Variants in GSE1 observed in about 807,000 individuals in gnomAD.
GSE1 encodes Gse1 coiled-coil protein.
In GSE1, 32 loss-of-function variants were observed where a neutral mutation model predicts 112.6. The ratio of observed to expected loss-of-function variants is 0.28; its 90% CI spans 0.21 to 0.38. The LOEUF is 0.38. Ranked by LOEUF, GSE1 falls within the 10% of genes least tolerant of loss-of-function variation. The pLI is 1.00. For missense variants in GSE1, 2,348 were observed against 1,699.2 expected, an observed-to-expected ratio of 1.38 and a Z score of -6.71; for synonymous variants, 1,115 against 735.6, an observed-to-expected ratio of 1.52 and a Z score of -8.35.
intron 2 of GSE1, among the ~76,000 whole-genome samples, chr16:85,527,680 G>C (rs2052407331): frequency 6.6e-6 from 1 of 152,278 alleles, no homozygotes; most frequent in African/African-American, 2.4e-5. Context: ...AGGGGAATGT[G>C]GGGCCAGCAG....
chr16:85,424,897 T>C (rs1220818822), intron 2 of GSE1, among the ~76,000 whole-genome samples: 1 of 152,268 alleles, frequency 6.6e-6, no homozygotes, highest in Non-Finnish European at 1.5e-5. Flanking sequence ...GTCATACATA[T>C]GGAACATCAT....
At chr16:85,553,884 C>A (rs1598158024), upstream of GSE1, among the ~76,000 whole-genome samples, 1 of 152,208 alleles carries the variant, frequency 6.6e-6, no homozygotes, top group African/African-American at 2.4e-5. Flanking sequence ...TTAGCAGGGA[C>A]CCCGGGGCTG....
chr16:85,175,719 C>T (rs1158873370), intron 1 of GSE1, among the ~76,000 whole-genome samples: 3 of 152,176 alleles, frequency 2.0e-5, no homozygotes, highest in Non-Finnish European at 2.9e-5. Context: ...CATTTGGGGA[C>T]GTGATAATGC....
intron 2 of GSE1, among the ~76,000 whole-genome samples, chr16:85,445,083 C>T (rs2049475957): frequency 6.6e-6 from 1 of 152,232 alleles, no homozygotes; most frequent in African/African-American, 2.4e-5. Flanking sequence ...CCTTGATCTT[C>T]CCTGGCTTTA....
intron 2 of GSE1, among the ~76,000 whole-genome samples, chr16:85,452,432 G>A (rs1161587800): frequency 6.6e-6 from 1 of 152,238 alleles, no homozygotes; most frequent in Admixed American, 6.5e-5. Context: ...TCTAACAAAT[G>A]CAGATGGCCA....
intron 1 of GSE1, among the ~76,000 whole-genome samples, chr16:85,233,404 C>A (rs145566604): frequency 2.0e-5 from 3 of 152,138 alleles, no homozygotes; most frequent in African/African-American, 7.2e-5. Flanking sequence ...GGAGGCTGGG[C>A]GGGGTGGTTC....
chr16:85,289,516 T>C (rs2045142374), intron 1 of GSE1, among the ~76,000 whole-genome samples: 2 of 152,226 alleles, frequency 1.3e-5, no homozygotes. Context: ...TTTCCCATTC[T>C]GCAGGTCTGG....
intron 2 of GSE1, among the ~76,000 whole-genome samples, chr16:85,412,706 T>G (rs1445361394): frequency 2.8e-5 from 4 of 144,550 alleles, no homozygotes; most frequent in East Asian, 2.1e-4. Flanking sequence ...GGCACCTGGA[T>G]AATCCTCACT....
intron 2 of GSE1, among the ~76,000 whole-genome samples, chr16:85,541,809 C>T (rs1359315983): frequency 6.6e-6 from 1 of 152,198 alleles, no homozygotes; most frequent in Admixed American, 6.5e-5. Context: ...CACGTCCCTG[C>T]CTCGCTGCTT....
chr16:85,359,548 T>A, intron 2 of GSE1: 3 of 376,576 alleles, frequency 8.0e-6, no homozygotes, highest in South Asian at 5.8e-5. Context: ...TTGGTAGAGG[T>A]TTCGTGGCAA....
At chr16:85,530,659 T>C (rs1567564561) in intron 2 of GSE1, among the ~76,000 whole-genome samples, 1 of 152,168 alleles carries the variant, frequency 6.6e-6, no homozygotes. Flanking sequence ...TCATTAAAAT[T>C]TGAAACACAA....
intron 1 of GSE1, among the ~76,000 whole-genome samples, chr16:85,336,317 C>T (rs1007713504): frequency 1.3e-5 from 2 of 152,204 alleles, no homozygotes; most frequent in African/African-American, 4.8e-5. Context: ...TTCATGAAGC[C>T]TGGCACTGAG....
intron 1 of GSE1, among the ~76,000 whole-genome samples, chr16:85,625,169 A>G (rs2048985745): frequency 6.6e-6 from 1 of 152,030 alleles, no homozygotes; most frequent in Non-Finnish European, 1.5e-5. Context: ...TGCCGCCCGC[A>G]TCTGCCAGTC....
At chr16:85,297,316 G>A (rs1597325304) in intron 1 of GSE1, among the ~76,000 whole-genome samples, 2 of 150,682 alleles carry the variant, frequency 1.3e-5, no homozygotes, top group Admixed American at 6.6e-5. Flanking sequence ...GAAGTGACTC[G>A]CCGAAGGGTA....
At chr16:85,295,898 C>T (rs1239505522) in intron 1 of GSE1, among the ~76,000 whole-genome samples, 1 of 152,016 alleles carries the variant, frequency 6.6e-6, no homozygotes, top group Non-Finnish European at 1.5e-5. Flanking sequence ...AGCCACCGCA[C>T]CCAGCCTAAC....
At chr16:85,334,805 A>G (rs2046448805) in intron 1 of GSE1, among the ~76,000 whole-genome samples, 1 of 152,244 alleles carries the variant, frequency 6.6e-6, no homozygotes. Flanking sequence ...CTGCGGAGCC[A>G]GGAGTCGCTC....
chr16:85,275,516 C>G (rs1909270559), intron 1 of GSE1, among the ~76,000 whole-genome samples: 1 of 152,218 alleles, frequency 6.6e-6, no homozygotes, highest in Non-Finnish European at 1.5e-5. Flanking sequence ...CGACAAGCCA[C>G]CGAGTTCAAA....
chr16:85,213,445 G>A (rs540378985), intron 1 of GSE1, among the ~76,000 whole-genome samples: 147 of 152,204 alleles, frequency 9.7e-4, no homozygotes, highest in African/African-American at 3.4e-3. Flanking sequence ...AAAGTGAAAC[G>A]CTGTCTCTAA....
chr16:85,306,810 C>A (rs757733629), intron 1 of GSE1, among the ~76,000 whole-genome samples: 1 of 152,216 alleles, frequency 6.6e-6, no homozygotes, highest in Non-Finnish European at 1.5e-5. Context: ...CTTGACAGAG[C>A]GACTTTTAGG....
Sources: gnomAD v4.1 joint callset for allele counts (sites outside exome capture counted in the v4.1 genomes callset) on GRCh38, gnomAD v4.1.1 for gene constraint, MANE v1.5 for transcripts, NCBI Gene and HGNC (gene_info 2026-07-23, HGNC 2026-07-21) for gene names.